The following RFX8 variants were observed in gnomAD, a reference collection of about 807,000 sequenced individuals.
RFX8 encodes the protein DNA-binding protein RFX8.
A neutral mutation model predicts 54.6 loss-of-function variants in RFX8; 46 were observed. That is an observed-to-expected ratio of 0.84 (90% confidence interval 0.67 to 1.08). RFX8 has a LOEUF of 1.08. RFX8 is among the 50% of genes least tolerant of loss of function. RFX8 has a pLI of 0.00. For synonymous variants in RFX8, 192 were observed against 209.5 expected (o/e 0.92, Z 0.72); for missense variants, 536 against 562.3 (o/e 0.95, Z 0.47).
intron 2 of RFX8, among the ~76,000 whole-genome samples, chr2:101,448,778 A>G (rs1172913110): frequency 6.6e-6 from 1 of 152,206 alleles, no homozygotes; most frequent in African/African-American, 2.4e-5. Context: ...TATTGTTCAA[A>G]CTAGAACACC....
At chr2:101,411,223 G>A (rs1343792878) in intron 8 of RFX8, among the ~76,000 whole-genome samples, 1 of 152,254 alleles carries the variant, frequency 6.6e-6, no homozygotes, top group Non-Finnish European at 1.5e-5. Context: ...AGCACTGACA[G>A]GGAAAGAACA....
chr2:101,459,713 C>T (rs1689165352), intron 2 of RFX8, among the ~76,000 whole-genome samples: 2 of 152,204 alleles, frequency 1.3e-5, no homozygotes, highest in South Asian at 4.1e-4. Context: ...AGGAGGCAGT[C>T]TGTCCGTTCT....
chr2:101,430,398 T>A (rs1223326521), intron 2 of RFX8, among the ~76,000 whole-genome samples: 1 of 152,238 alleles, frequency 6.6e-6, no homozygotes, highest in Non-Finnish European at 1.5e-5. Context: ...CTTAAGGAGA[T>A]AATTAAGGTT....
intron 2 of RFX8, among the ~76,000 whole-genome samples, chr2:101,432,004 T>C (rs966527319): frequency 6.6e-6 from 1 of 152,210 alleles, no homozygotes; most frequent in Non-Finnish European, 1.5e-5. Flanking sequence ...ATTAACCTAA[T>C]GGGGAGAAAG....
At chr2:101,447,381 A>C (rs929089769) in intron 2 of RFX8, among the ~76,000 whole-genome samples, 1 of 152,344 alleles carries the variant, frequency 6.6e-6, no homozygotes, top group South Asian at 2.1e-4. Flanking sequence ...TAGACTGGGT[A>C]CTTTATAAAC....
chr2:101,408,410 T>C (rs1183983679), intron 9 of RFX8, among the ~76,000 whole-genome samples: 4 of 149,784 alleles, frequency 2.7e-5, no homozygotes, highest in African/African-American at 9.9e-5. Context: ...GCGTGAACCC[T>C]GGGGGCGGAG....
intron 1 of RFX8, among the ~76,000 whole-genome samples, chr2:101,469,095 TATATATATATAA>T (rs1301404456): frequency 6.1e-5 from 1 of 16,346 alleles, no homozygotes; most frequent in Non-Finnish European, 1.3e-4. Flanking sequence ...TATATATAAG[TATATATATATAA>T]GTGTATATAT....
At position 101,421,579 on chromosome 2, in the gene RFX8, C is replaced by T. The variant is rs1335005774; in HGVS notation, c.237+145G>A. On this transcript the variant is annotated intron_variant, in intron 4 of 11. Transcript: ENST00000428343. The stretch of plus-strand genomic sequence containing the variant: ...GAACTCAATGACTACAACATAGGTA[C>T]ATAGCATGTAAGCACTTCAGTGCAG... The T allele has an allele frequency of 3.5e-6, 5 of 1,413,786 alleles. No homozygotes were observed. In the African/African-American group the frequency reaches 4.4e-5, roughly 12 times the overall value. 87.6% of individuals were successfully genotyped at this position (1,413,786 alleles called of 1,614,324 possible). A position where few individuals can be genotyped will look rare whatever the true frequency, so the allele number is the denominator to read the frequency against.
At position 101,418,968 on chromosome 2, in the gene RFX8, G is replaced by A; in HGVS notation, c.238-4C>T. ...AGGAAGTAAGCAAGTCCTCCACCTG[G>A]GGTAAGTAACAGAGCATATCGCCAA... On this transcript the variant is annotated splice_region_variant and splice_polypyrimidine_tract_variant and intron_variant, in intron 4 of 11. Transcript: ENST00000428343. 6.6e-7 allele frequency: 1 copy of A among 1,517,126 alleles called. No individual in the cohort carries two copies. The highest frequency in any genetic ancestry group is 9.0e-7 in the Non-Finnish European group (1 of 1,116,408). The allele number at this position is 1,517,126 out of a possible 1,614,324, so 94.0% of individuals were successfully genotyped here. A position where few individuals can be genotyped will look rare whatever the true frequency, so the allele number is the denominator to read the frequency against.
At chr2:101,408,577 A>G (rs752884936) in intron 9 of RFX8, among the ~76,000 whole-genome samples, 12 of 152,240 alleles carry the variant, frequency 7.9e-5, no homozygotes, top group Non-Finnish European at 1.3e-4. Flanking sequence ...GATGTATAAT[A>G]TAAGCCTTCA....
chr2:101,429,126 T>C (rs931368875), intron 2 of RFX8: 6 of 664,216 alleles, frequency 9.0e-6, no homozygotes, highest in Admixed American at 7.2e-5. Context: ...GGGTATAACT[T>C]TTATTGAAAA....
In RFX8 at chr2:101,421,827, G is replaced by A. The variant is rs544678957; in HGVS notation, c.184-50C>T. On this transcript the variant is annotated intron_variant, in intron 3 of 11. Transcript: ENST00000428343. ...TCAGCATGTGGGCCTTTTCAATAAT[G>A]AACTGATCTTCACAGACTTTTCTGA... The A allele has an allele frequency of 2.3e-3, 3,191 of 1,361,956 alleles. 9 individuals carry two copies. The highest frequency in any genetic ancestry group is 4.4e-3 in the South Asian group (343 of 77,454). 84.4% of individuals were successfully genotyped at this position (1,361,956 alleles called of 1,614,324 possible). A position where few individuals can be genotyped will look rare whatever the true frequency, so the allele number is the denominator to read the frequency against.
Position 101,402,556 on chromosome 2 carries a change from G to A in RFX8, c.1125C>T (p.Pro375=), listed in dbSNP as rs568629571. 3.0e-5 allele frequency: 47 copies of A among 1,551,780 alleles called. No individual in the cohort carries two copies. The highest frequency in any genetic ancestry group is 4.1e-5 in the Non-Finnish European group (47 of 1,147,048). The change falls in exon 11 of 12, where the codon CCC becomes CCT. Residue 375 remains proline, a synonymous_variant. Transcript: ENST00000428343. ...NSSLSQACAS[P]SMEPLGVMPT... Reference sequence around the variant, plus strand: ...GCATCACCCCCAGTGGCTCCATGCTGGGGCTGGCACACGCCTGCGACAGTG... The same window carrying A: ...GCATCACCCCCAGTGGCTCCATGCTAGGGCTGGCACACGCCTGCGACAGTG...
intron 2 of RFX8, among the ~76,000 whole-genome samples, chr2:101,439,465 C>T (rs1687964562): frequency 6.6e-6 from 1 of 152,060 alleles, no homozygotes; most frequent in Admixed American, 6.5e-5. Flanking sequence ...GTGCAAGTCC[C>T]AGTGATTTTG....
At position 101,417,710 on chromosome 2, in the gene RFX8, T is replaced by A. The variant is rs528134355; in HGVS notation, c.352-26A>T. On this transcript the variant is annotated intron_variant, in intron 5 of 11. Coordinates refer to ENST00000428343, the MANE Select transcript of RFX8 (RefSeq NM_001145664.2). ...CTACAACAAAAGTAACAAGACACTATGATTCTGCTGATGGTGCAGGTGTGG... is the reference window on the plus strand; with the variant it reads ...CTACAACAAAAGTAACAAGACACTAAGATTCTGCTGATGGTGCAGGTGTGG... The A allele has an allele frequency of 1.2e-4, 181 of 1,528,782 alleles. 2 individuals carry two copies. In the South Asian group the frequency reaches 2.0e-3, roughly 17 times the overall value. The allele number at this position is 1,528,782 out of a possible 1,614,324, so 94.7% of individuals were successfully genotyped here. A position where few individuals can be genotyped will look rare whatever the true frequency, so the allele number is the denominator to read the frequency against.
intron 2 of RFX8, among the ~76,000 whole-genome samples, chr2:101,443,491 A>G (rs924702862): frequency 6.6e-6 from 1 of 152,180 alleles, no homozygotes; most frequent in Non-Finnish European, 1.5e-5. Flanking sequence ...TTGTATTACA[A>G]ATCATGTACA....
chr2:101,408,232 T>C (rs1312782293), intron 9 of RFX8, among the ~76,000 whole-genome samples: 2 of 152,006 alleles, frequency 1.3e-5, no homozygotes, highest in Non-Finnish European at 2.9e-5. Flanking sequence ...ACGCCTGTAA[T>C]CCCAGCACTT....
At chr2:101,409,971 C>T (rs894939776) in intron 9 of RFX8, among the ~76,000 whole-genome samples, 2 of 152,100 alleles carry the variant, frequency 1.3e-5, no homozygotes, top group Non-Finnish European at 2.9e-5. Context: ...CCACATTGGT[C>T]GAAAGGATCA....
intron 1 of RFX8, among the ~76,000 whole-genome samples, chr2:101,468,745 G>A (rs532025140): frequency 1.0e-3 from 153 of 151,228 alleles, no homozygotes; most frequent in African/African-American, 3.6e-3. Flanking sequence ...AGTTTTTTTT[G>A]GGGGGATGCT....
Sources: allele counts gnomAD v4.1 joint callset (sites outside exome capture counted in the v4.1 genomes callset), GRCh38; gene constraint gnomAD v4.1.1; transcripts MANE v1.5; gene names NCBI Gene and HGNC (gene_info 2026-07-23, HGNC 2026-07-21).